Variants in CNGB3 observed in about 807,000 individuals in gnomAD.
CNGB3 encodes cyclic nucleotide-gated channel beta-3.
A neutral mutation model predicts 92.8 loss-of-function variants in CNGB3; 86 were observed. The observed-to-expected ratio is 0.93, with a 90% CI of 0.78 to 1.11. CNGB3 has a LOEUF of 1.11. Among genes scored for constraint, CNGB3 ranks in the 50% least tolerant of loss-of-function variants. The pLI, the probability that CNGB3 is intolerant of heterozygous loss-of-function variation, is 0.00. For synonymous variants in CNGB3, 333 were observed against 332.7 expected (o/e 1.00, Z -0.01); for missense variants, 1,026 against 956.8 (o/e 1.07, Z -0.95).
intron 6 of CNGB3, among the ~76,000 whole-genome samples, chr8:86,664,221 T>C (rs1823698312): frequency 6.6e-6 from 1 of 152,180 alleles, no homozygotes; most frequent in Non-Finnish European, 1.5e-5. Context: ...ATTTCAAATA[T>C]AGAAAACACT....
chr8:86,653,472 C>T (rs1310900020), intron 7 of CNGB3, among the ~76,000 whole-genome samples: 1 of 152,034 alleles, frequency 6.6e-6, no homozygotes, highest in Non-Finnish European at 1.5e-5. Context: ...AGAGTTCACT[C>T]CAATTGGGTA....
At chr8:86,592,673 A>T (rs1433070116) in intron 15 of CNGB3, among the ~76,000 whole-genome samples, 1 of 152,234 alleles carries the variant, frequency 6.6e-6, no homozygotes. Context: ...GTTCTGGTCT[A>T]AATACATTTT....
At chr8:86,673,804 T>A (rs1488351716) in intron 3 of CNGB3, among the ~76,000 whole-genome samples, 1 of 152,044 alleles carries the variant, frequency 6.6e-6, no homozygotes, top group Non-Finnish European at 1.5e-5. Flanking sequence ...TTTTTGTGTG[T>A]GTATCTTCAG....
At chr8:86,689,269 G>A (rs2131635178) in intron 3 of CNGB3, among the ~76,000 whole-genome samples, 1 of 151,754 alleles carries the variant, frequency 6.6e-6, no homozygotes, top group Admixed American at 6.6e-5. Context: ...TGGATGAACT[G>A]TTCCATAAAA....
At position 86,670,986 on chromosome 8, in the gene CNGB3, C is replaced by T; in HGVS notation, c.451G>A (p.Val151Ile). The T allele has an allele frequency of 5.0e-6, 8 of 1,613,062 alleles. No homozygotes were observed. Among genetic ancestry groups the T allele is most frequent in the Non-Finnish European group, 6.8e-6 (8 of 1,180,006 alleles). ...QRTALYKKKL[V>I]EGDLSSPEAS... The stretch of plus-strand genomic sequence containing the variant: ...TCGGGTGAGGAGAGATCTCCCTCTA[C>T]CAACTTTTTCTTGTAGAGGGCTGTT... Residue 151 changes from valine to isoleucine, a missense_variant, in exon 4 of 18, where the codon GTA becomes ATA. Transcript: ENST00000320005.
Position 86,726,623 on chromosome 8 carries a change from C to A in CNGB3, c.246G>T (p.Leu82=). 1 of 1,613,554 alleles carries A rather than the reference C, an allele frequency of 6.2e-7. No individual in the cohort carries two copies. Among genetic ancestry groups the A allele is most frequent in the Non-Finnish European group, 8.5e-7 (1 of 1,179,720 alleles). ...KLSKKNSSGD[L]TTNPDPQNAA... is the part of the protein sequence containing the mutation. ...CATTTTGAGGGTCAGGGTTTGTGGT[C>A]AGATCTCCAGAGGAATTTTTCTTGG... Residue 82 remains leucine (L), a synonymous_variant, in exon 3 of 18, where the codon CTG becomes CTT. Coordinates refer to ENST00000320005, the MANE Select transcript of CNGB3 (RefSeq NM_019098.5).
In CNGB3 at chr8:86,575,967, C is replaced by T. The variant is rs758659088; in HGVS notation, c.2267G>A (p.Cys756Tyr). 18 of 1,614,016 alleles carry T rather than the reference C, an allele frequency of 1.1e-5. No homozygotes were observed. In the Admixed American group the frequency reaches 3.0e-4, roughly 27 times the overall value. Reference sequence around the variant, plus strand: ...CTCCACTGCAATAGGACTTGCTGTACATTCAGGTCTGTCCAGTGGCTTCTC... The same window carrying T: ...CTCCACTGCAATAGGACTTGCTGTATATTCAGGTCTGTCCAGTGGCTTCTC... Reference protein sequence around the residue: ...PEEKPLDRPECTASPIAVEEE... With the variant: ...PEEKPLDRPEYTASPIAVEEE... Residue 756 changes from cysteine to tyrosine, a missense_variant, in exon 18 of 18, where the codon TGT becomes TAT. Physicochemically the swap from Cys to Tyr is radical, Grantham distance 194. Coordinates refer to ENST00000320005, the MANE Select transcript of CNGB3 (RefSeq NM_019098.5).
In CNGB3 at chr8:86,674,148, A is replaced by G. The variant is rs115426549; in HGVS notation, c.339-3050T>C. Among the ~76,000 whole-genome samples, 452 of 152,360 alleles carry G rather than the reference A, an allele frequency of 3.0e-3. 1 individual carries two copies. The highest frequency in any genetic ancestry group is 0.01 in the African/African-American group (425 of 41,590). ...AAAAAGCTATGTTGAATGTTGCTGAATCATTAACTATAAAGTCAGGTATTC... is the reference window on the plus strand; with the variant it reads ...AAAAAGCTATGTTGAATGTTGCTGAGTCATTAACTATAAAGTCAGGTATTC... On this transcript the variant is annotated intron_variant, in intron 3 of 17. Transcript: ENST00000320005.
At chr8:86,612,312 C>G (rs925894685) in intron 13 of CNGB3, among the ~76,000 whole-genome samples, 1 of 152,096 alleles carries the variant, frequency 6.6e-6, no homozygotes, top group African/African-American at 2.4e-5. Flanking sequence ...GTTTAAATAA[C>G]TATATCTATA....
chr8:86,592,809 C>G (rs556733273), intron 15 of CNGB3, among the ~76,000 whole-genome samples: 38 of 152,282 alleles, frequency 2.5e-4, no homozygotes, highest in African/African-American at 8.7e-4. Flanking sequence ...AAATTTCTAA[C>G]TGGGTTTTAT....
At chr8:86,637,174 G>T (rs1018328404) in intron 10 of CNGB3, among the ~76,000 whole-genome samples, 1 of 152,122 alleles carries the variant, frequency 6.6e-6, no homozygotes, top group Non-Finnish European at 1.5e-5. Context: ...TTGTTCTTTT[G>T]TTTGTGGATA....
At chr8:86,717,217 A>G (rs1586033938) in intron 3 of CNGB3, among the ~76,000 whole-genome samples, 2 of 152,118 alleles carry the variant, frequency 1.3e-5, no homozygotes, top group East Asian at 3.9e-4. Flanking sequence ...ACATTTATAA[A>G]ACAATTACTA....
At chr8:86,692,565 C>G (rs911580018) in intron 3 of CNGB3, among the ~76,000 whole-genome samples, 1 of 151,900 alleles carries the variant, frequency 6.6e-6, no homozygotes, top group Non-Finnish European at 1.5e-5. Flanking sequence ...CCTTTGTTGC[C>G]CATTTGCATG....
intron 15 of CNGB3, among the ~76,000 whole-genome samples, chr8:86,598,508 A>T (rs1822220584): frequency 6.6e-6 from 1 of 152,248 alleles, no homozygotes; most frequent in Non-Finnish European, 1.5e-5. Context: ...CTGCTATAAC[A>T]AATTATCACA....
At chr8:86,680,792 G>A (rs1304207012) in intron 3 of CNGB3, among the ~76,000 whole-genome samples, 3 of 152,180 alleles carry the variant, frequency 2.0e-5, no homozygotes, top group East Asian at 1.9e-4. Context: ...TGTGGGGTGA[G>A]GAGGGGAGGT....
intron 3 of CNGB3, among the ~76,000 whole-genome samples, chr8:86,715,217 T>G (rs912408843): frequency 4.6e-5 from 7 of 151,908 alleles, no homozygotes; most frequent in Admixed American, 2.0e-4. Context: ...AAGCACCACC[T>G]CCTGACTGGA....
chr8:86,684,448 A>G (rs1195357835), intron 3 of CNGB3, among the ~76,000 whole-genome samples: 1 of 152,126 alleles, frequency 6.6e-6, no homozygotes, highest in Non-Finnish European at 1.5e-5. Flanking sequence ...GTTTCTTATA[A>G]AGCTAAACAT....
chr8:86,585,365 T>C (rs1312551590), intron 15 of CNGB3, among the ~76,000 whole-genome samples: 1 of 152,100 alleles, frequency 6.6e-6, no homozygotes, highest in Non-Finnish European at 1.5e-5. Context: ...AATATTAAGA[T>C]AGTCCCTGGT....
intron 15 of CNGB3, among the ~76,000 whole-genome samples, chr8:86,603,794 C>A (rs1172448370): frequency 6.6e-6 from 1 of 152,096 alleles, no homozygotes; most frequent in Non-Finnish European, 1.5e-5. Flanking sequence ...AACAATGAAC[C>A]CTCCAAACCT....
Sources: gnomAD v4.1 joint callset for allele counts (sites outside exome capture counted in the v4.1 genomes callset) on GRCh38, gnomAD v4.1.1 for gene constraint, MANE v1.5 for transcripts, NCBI Gene and HGNC (gene_info 2026-07-23, HGNC 2026-07-21) for gene names.